The following NBEA variants were observed in gnomAD, a reference collection of about 807,000 sequenced individuals.
NBEA encodes neurobeachin.
In NBEA, 44 loss-of-function variants were observed where a neutral mutation model predicts 343.4. The ratio of observed to expected loss-of-function variants is 0.13; its 90% CI spans 0.10 to 0.16. The LOEUF (loss-of-function observed/expected upper bound fraction) is 0.16. NBEA is among the 10% of genes least tolerant of loss of function. The pLI is 1.00. For synonymous variants in NBEA, 1,175 were observed against 1,238.7 expected, an observed-to-expected ratio of 0.95 and a Z score of 1.08; for missense variants, 2,555 against 3,631.3, an observed-to-expected ratio of 0.70 and a Z score of 7.62.
At position 34,942,919 on chromosome 13, in the gene NBEA, T is replaced by A; in HGVS notation, c.99T>A (p.Gly33=). The stretch of plus-strand genomic sequence containing the variant: ...CTGGCGGAGGCGGCGGGGGCAGCGG[T>A]GGTGGCGGCACCGGGGGCAGCGGGA... ...GAAGGGGGGS[G]GGGTGGSGMG... The change falls in exon 1 of 59, where the codon GGT becomes GGA. Residue 33 remains glycine, a synonymous_variant. Transcript: ENST00000379939. The A allele has an allele frequency of 1.3e-6, 2 of 1,490,584 alleles. No homozygotes were observed. Among genetic ancestry groups the A allele is most frequent in the Non-Finnish European group, 8.9e-7 (1 of 1,118,716 alleles). 92.3% of individuals were successfully genotyped at this position (1,490,584 alleles called of 1,614,324 possible).
At chr13:35,282,662 T>C (rs1594068300) in intron 34 of NBEA, among the ~76,000 whole-genome samples, 1 of 152,314 alleles carries the variant, frequency 6.6e-6, no homozygotes, top group South Asian at 2.1e-4. Context: ...GACACTCAGG[T>C]CAGTCACCTT....
chr13:35,200,014 A>G (rs1229339439), intron 31 of NBEA, among the ~76,000 whole-genome samples: 1 of 152,064 alleles, frequency 6.6e-6, no homozygotes, highest in African/African-American at 2.4e-5. Flanking sequence ...TAATGAGCAA[A>G]CACTGTATGT....
At chr13:35,236,267 ATTTGGTCATAACC>A (rs1444115447) in intron 34 of NBEA, among the ~76,000 whole-genome samples, 1 of 152,118 alleles carries the variant, frequency 6.6e-6, no homozygotes, top group African/African-American at 2.4e-5. Flanking sequence ...ATCCCTCACA[ATTTGGTCATAACC>A]CTCCCTTCCA....
At chr13:35,476,300 C>G (rs146621732) in intron 41 of NBEA, 1 of 373,020 alleles carries the variant, frequency 2.7e-6, no homozygotes. Flanking sequence ...GGTTTCCCTG[C>G]TGCTGCTGCT....
intron 38 of NBEA, among the ~76,000 whole-genome samples, chr13:35,426,243 C>T (rs1439564560): frequency 2.6e-5 from 4 of 152,144 alleles, no homozygotes; most frequent in East Asian, 1.9e-4. Flanking sequence ...TTCCTAGCCT[C>T]GATGTTCGTT....
intron 36 of NBEA, among the ~76,000 whole-genome samples, chr13:35,324,094 A>G (rs955237770): frequency 2.0e-5 from 3 of 152,188 alleles, no homozygotes; most frequent in African/African-American, 7.2e-5. Flanking sequence ...TGGCTGGTGT[A>G]TTGTGACATA....
At chr13:35,156,612 G>A (rs929081613) in intron 20 of NBEA, among the ~76,000 whole-genome samples, 1 of 151,994 alleles carries the variant, frequency 6.6e-6, no homozygotes, top group Non-Finnish European at 1.5e-5. Flanking sequence ...TTGAACATGG[G>A]GTAAAGTCTG....
intron 33 of NBEA, among the ~76,000 whole-genome samples, chr13:35,218,771 CCTT>C (rs1325606375): frequency 1.4e-4 from 21 of 151,782 alleles, no homozygotes; most frequent in African/African-American, 4.6e-4. Context: ...TGGTTTTTCT[CCTT>C]CTGTTAACAT....
At chr13:35,533,163 T>C (rs979981396) in intron 41 of NBEA, among the ~76,000 whole-genome samples, 1 of 152,154 alleles carries the variant, frequency 6.6e-6, no homozygotes, top group Non-Finnish European at 1.5e-5. Flanking sequence ...TAGCAAACTT[T>C]TGGATTTTTA....
At chr13:35,298,207 GTGTGTATATATATA>G (rs1373260329) in intron 35 of NBEA, among the ~76,000 whole-genome samples, 37 of 16,152 alleles carry the variant, frequency 2.3e-3, no homozygotes, top group South Asian at 3.5e-3. Context: ...GTGTGTGTGT[GTGTGTATATATATA>G]TATATATATA....
Position 35,608,382 on chromosome 13 carries a change from A to G in NBEA, c.7449+1804A>G, listed in dbSNP as rs1267926174. On this transcript the variant is annotated intron_variant, in intron 48 of 58. Transcript: ENST00000379939. The stretch of plus-strand genomic sequence containing the variant: ...ATTTCAGTAATATATACTTCTGAAA[A>G]TTTCTGATTCTTTTTAGAATTGGTA... 3.9e-5 allele frequency among the ~76,000 whole-genome samples: 6 copies of G among 152,126 alleles called. No individual in the cohort carries two copies. In the East Asian group the frequency reaches 1.2e-3, roughly 29 times the overall value.
Position 35,099,025 on chromosome 13 carries a change from C to CTTTT in NBEA, c.1680+635_1680+638dup, listed in dbSNP as rs35150346. Among the ~76,000 whole-genome samples the CTTTT allele has an allele frequency of 1.2e-3, 153 of 125,828 alleles. 4 individuals carry two copies. The highest frequency in any genetic ancestry group is 4.0e-3 in the African/African-American group (133 of 33,358). The allele number at this position is 125,828 out of a possible 152,430, so 82.5% of individuals were successfully genotyped here. A position where few individuals can be genotyped will look rare whatever the true frequency, so the allele number is the denominator to read the frequency against. The stretch of plus-strand genomic sequence containing the variant: ...TTTCTTTGCTATCTTTTCACTTAGA[C>CTTTT]TTTTTTTTTTTTTTTTTTGAGACAG... On this transcript the variant is annotated intron_variant, in intron 11 of 58. Coordinates refer to ENST00000379939, the MANE Select transcript of NBEA (RefSeq NM_001385012.1).
chr13:35,496,631 CAAAAAAAAAAA>C (rs3075499), intron 41 of NBEA, among the ~76,000 whole-genome samples: 1 of 105,262 alleles, frequency 9.5e-6, no homozygotes. Flanking sequence ...GAGATTCTGT[CAAAAAAAAAAA>C]AAAAAAAAGA....
intron 17 of NBEA, among the ~76,000 whole-genome samples, chr13:35,128,423 T>A (rs2067243085): frequency 1.3e-5 from 2 of 152,124 alleles, no homozygotes; most frequent in East Asian, 3.8e-4. Context: ...GAACGAACTT[T>A]AATTCACCTA....
At chr13:35,263,363 T>C (rs1701207009) in intron 34 of NBEA, among the ~76,000 whole-genome samples, 2 of 152,164 alleles carry the variant, frequency 1.3e-5, no homozygotes, top group Non-Finnish European at 2.9e-5. Context: ...CTTTTAGCAA[T>C]GGAGAGATCA....
At chr13:35,136,724 G>A (rs2067751291) in intron 17 of NBEA, among the ~76,000 whole-genome samples, 1 of 152,184 alleles carries the variant, frequency 6.6e-6, no homozygotes, top group Admixed American at 6.5e-5. Context: ...GAAAGAAGGT[G>A]TGACCCGAGA....
intron 41 of NBEA, among the ~76,000 whole-genome samples, chr13:35,479,355 T>G (rs774713798): frequency 2.6e-5 from 4 of 152,196 alleles, no homozygotes; most frequent in Admixed American, 6.5e-5. Context: ...CACAGTGATT[T>G]TCTATTACAC....
intron 38 of NBEA, among the ~76,000 whole-genome samples, chr13:35,353,549 G>A (rs533699126): frequency 6.6e-6 from 1 of 152,086 alleles, no homozygotes; most frequent in African/African-American, 2.4e-5. Context: ...ATTAATTTTG[G>A]ATTTAAGGTA....
rs149236013 is a variant in NBEA at position 35,082,171 on chromosome 13, G to T, written c.1571+11319G>T. ...TATGAGTGAGAACATGCGGTGTTTG[G>T]TTTTTTTGTCCCTGAGATAGTTAGC... On this transcript the variant is annotated intron_variant, in intron 10 of 58. Coordinates refer to ENST00000379939, the MANE Select transcript of NBEA (RefSeq NM_001385012.1). 6.5e-3 allele frequency among the ~76,000 whole-genome samples: 981 copies of T among 152,014 alleles called. 11 individuals are homozygous for T. Among genetic ancestry groups the T allele is most frequent in the African/African-American group, 0.022 (929 of 41,448 alleles).
Sources: allele counts gnomAD v4.1 joint callset (sites outside exome capture counted in the v4.1 genomes callset), GRCh38; gene constraint gnomAD v4.1.1; transcripts MANE v1.5; gene names NCBI Gene and HGNC (gene_info 2026-07-23, HGNC 2026-07-21).